FXYD7: variants seen among roughly 807,000 people sequenced by gnomAD.
FXYD7 encodes FXYD domain containing ion transport regulator 7.
Under a neutral mutation model 15.3 loss-of-function variants are expected in FXYD7, and 7 were observed. The ratio of observed to expected loss-of-function variants is 0.46; its 90% confidence interval spans 0.26 to 0.86. The LOEUF is 0.86. FXYD7 is among the 40% of genes least tolerant of loss of function. The probability of loss-of-function intolerance (pLI) is 0.16; values close to 1 mark genes in which losing one functional copy is unlikely to be tolerated. For missense variants in FXYD7, 78 were observed against 100.6 expected (o/e 0.78, Z 0.96); for synonymous variants, 39 against 39.3 (o/e 0.99, Z 0.03).
chr19:35,148,514 CTATGCTCTTCCAG>C (rs2065298404), intron 1 of FXYD7, among the ~76,000 whole-genome samples, 167 bp from the exon 2 acceptor site: 1 of 152,228 alleles, frequency 6.6e-6, no homozygotes, highest in African/African-American at 2.4e-5. Context: ...CCAGCTTGAG[CTATGCTCTTCCAG>C]CCTTGCGGCC....
At chr19:35,146,159 AC>A (rs1273286702) in intron 1 of FXYD7, among the ~76,000 whole-genome samples, 4 of 150,950 alleles carry the variant, frequency 2.6e-5, no homozygotes, top group Admixed American at 6.6e-5. Flanking sequence ...TTTTTTTGAG[AC>A]AGAGTCTCGC....
At chr19:35,153,033 C>CTTTGTTGTTTTTTTT (rs1555737607) in intron 5 of FXYD7, among the ~76,000 whole-genome samples, 1 of 44,142 alleles carries the variant, frequency 2.3e-5, no homozygotes, top group Non-Finnish European at 3.9e-5. Context: ...TTTCACGTTC[C>CTTTGTTGTTTTTTTT]TTTTTTTTTT....
At chr19:35,148,087 G>GAAAGAAAGAAAGAA (rs1348551692) in intron 1 of FXYD7, among the ~76,000 whole-genome samples, 3 of 124,026 alleles carry the variant, frequency 2.4e-5, no homozygotes, top group African/African-American at 9.1e-5. Flanking sequence ...AAGAAAGAAA[G>GAAAGAAAGAAAGAA]AAAGAAAGAG....
At chr19:35,150,988 A>T (rs1040524067) in intron 2 of FXYD7, among the ~76,000 whole-genome samples, 1 of 151,964 alleles carries the variant, frequency 6.6e-6, no homozygotes, top group Admixed American at 6.6e-5. Flanking sequence ...TGGTAGAGGG[A>T]GAGTATTATA....
At chr19:35,151,543 CA>C in intron 4 of FXYD7, 61 bp downstream of exon 4, 1 of 1,592,908 alleles carries the variant, frequency 6.3e-7, no homozygotes, top group Non-Finnish European at 8.6e-7. Flanking sequence ...AGCAGATGGG[CA>C]GGATCCACTG....
At position 35,151,240 on chromosome 19, in the gene FXYD7, A is replaced by T. The variant is rs767383188; in HGVS notation, c.62-14A>T. The T allele has an allele frequency of 6.4e-7, 1 of 1,563,208 alleles. No individual in the cohort carries two copies. The highest frequency in any genetic ancestry group is 8.8e-7 in the Non-Finnish European group (1 of 1,133,766). The stretch of plus-strand genomic sequence containing the variant: ...TGCTGTCCCTGCCTCGATGTCCCCC[A>T]TTATCTTCCCCAGACTACAACACGG... On this transcript the variant is annotated splice_polypyrimidine_tract_variant and intron_variant, in intron 2 of 5. Coordinates refer to ENST00000270310, the MANE Select transcript of FXYD7 (RefSeq NM_022006.2).
At chr19:35,149,359 A>C in intron 2 of FXYD7, 1 of 303,420 alleles carries the variant, frequency 3.3e-6, no homozygotes, top group South Asian at 3.1e-5. Context: ...TTCTGCAGTA[A>C]TGCTTCTCCT....
At chr19:35,153,811 C>A in intron 5 of FXYD7, 83 bp from the exon 6 acceptor site, 2 of 1,326,338 alleles carry the variant, frequency 1.5e-6, no homozygotes, top group Non-Finnish European at 2.2e-6. Context: ...TTCCATGGTG[C>A]CGGGGAATGG....
Position 35,143,441 on chromosome 19 carries a change from C to A in FXYD7, c.31+77C>A. On this transcript the variant is annotated intron_variant, in intron 1 of 5. Transcript: ENST00000270310. This position sits in a 1 kb window ranked among gnomAD's most constrained non-coding sequence, Gnocchi z 4.3. ...CTAGGAGAGAGGGTGTCGGGAGATT[C>A]AAGCAATGGTAAGGCAAGGGAGTTG... 1.7e-6 allele frequency: 2 copies of A among 1,159,106 alleles called. No individual in the cohort carries two copies. The highest frequency in any genetic ancestry group is 1.6e-5 in the South Asian group (1 of 61,862). 71.8% of individuals were successfully genotyped at this position (1,159,106 alleles called of 1,614,324 possible).
intron 5 of FXYD7, among the ~76,000 whole-genome samples, chr19:35,153,256 C>T (rs1254097495): frequency 1.3e-5 from 2 of 151,952 alleles, no homozygotes; most frequent in African/African-American, 4.8e-5. Context: ...GATGGTGGTT[C>T]ACCATTTTGG....
At chr19:35,145,532 CATA>C (rs1568405083) in intron 1 of FXYD7, among the ~76,000 whole-genome samples, 1 of 152,212 alleles carries the variant, frequency 6.6e-6, no homozygotes, top group African/African-American at 2.4e-5. Context: ...AGGACTGCCT[CATA>C]ATCATTCCTT....
intron 1 of FXYD7, among the ~76,000 whole-genome samples, chr19:35,148,084 AAAGAAAG>A (rs1291736539): frequency 6.8e-6 from 1 of 146,410 alleles, no homozygotes; most frequent in East Asian, 2.0e-4. Flanking sequence ...AGAAAGAAAG[AAAGAAAG>A]AAAGAGAGAG....
intron 3 of FXYD7, 36 bp from the exon 4 acceptor site, chr19:35,151,404 G>A: frequency 1.2e-6 from 2 of 1,612,374 alleles, no homozygotes; most frequent in Non-Finnish European, 1.7e-6. Flanking sequence ...TACCCGCTAT[G>A]TCCTGTCTTC....
At chr19:35,147,917 TG>T (rs1468685499) in intron 1 of FXYD7, among the ~76,000 whole-genome samples, 2 of 151,342 alleles carry the variant, frequency 1.3e-5, no homozygotes, top group African/African-American at 4.9e-5. Flanking sequence ...TGCTTGAACC[TG>T]GGAGATGGAG....
At chr19:35,145,205 C>T (rs1034455640) in intron 1 of FXYD7, among the ~76,000 whole-genome samples, 1 of 152,210 alleles carries the variant, frequency 6.6e-6, no homozygotes, top group African/African-American at 2.4e-5. Flanking sequence ...TATCACCTCT[C>T]TTCACCTCCC....
At chr19:35,149,666 G>C (rs1367994076) in intron 2 of FXYD7, 1 of 153,360 alleles carries the variant, frequency 6.5e-6, no homozygotes, top group Non-Finnish European at 1.5e-5. Flanking sequence ...GTTCCAAGCA[G>C]CTGGAGACAC....
chr19:35,153,888 C>T lies in FXYD7; in HGVS notation c.221-6C>T. On this transcript the variant is annotated splice_polypyrimidine_tract_variant and splice_region_variant and intron_variant, in intron 5 of 5. Coordinates refer to ENST00000270310, the MANE Select transcript of FXYD7 (RefSeq NM_022006.2). The stretch of plus-strand genomic sequence containing the variant: ...CTAGTGGCTCACGCACCCCCTCTCT[C>T]CCCAGCCCCTGGTGGCGGCGGCGTG... The T allele has an allele frequency of 6.2e-7, 1 of 1,612,880 alleles. No homozygotes were observed. The highest frequency in any genetic ancestry group is 8.5e-7 in the Non-Finnish European group (1 of 1,179,218).
At chr19:35,152,123 A>G (rs2065312889) in intron 5 of FXYD7, among the ~76,000 whole-genome samples, 1 of 132,238 alleles carries the variant, frequency 7.6e-6, no homozygotes, top group African/African-American at 2.8e-5. Context: ...TGGGTGATAG[A>G]GTGAGACTGT....
Position 35,153,042 on chromosome 19 carries a change from T to G in FXYD7, c.221-852T>G, listed in dbSNP as rs1471037938. ...AATTTGTTTCACGTTCCTTTTTTTT[T>G]TTTTTTTTTTTTTTTTTTTTGAGAC... On this transcript the variant is annotated intron_variant, in intron 5 of 5. Transcript: ENST00000270310. Among the ~76,000 whole-genome samples, 28 of 116,970 alleles carry G rather than the reference T, an allele frequency of 2.4e-4. 2 individuals carry two copies. The highest frequency in any genetic ancestry group is 3.3e-4 in the South Asian group (1 of 3,056). The allele number at this position is 116,970 out of a possible 152,430, so 76.7% of individuals were successfully genotyped here. A position where few individuals can be genotyped will look rare whatever the true frequency, so the allele number is the denominator to read the frequency against.
Sources: gnomAD v4.1 joint callset for allele counts (sites outside exome capture counted in the v4.1 genomes callset) on GRCh38, gnomAD v4.1.1 for gene constraint, Gnocchi (gnomAD v3.1) non-coding constraint, MANE v1.5 for transcripts, NCBI Gene and HGNC (gene_info 2026-07-23, HGNC 2026-07-21) for gene names.